RABGAP1L: variants seen among roughly 807,000 people sequenced by gnomAD.
The protein encoded by RABGAP1L is RAB GTPase activating protein 1 like, also known as rab GTPase-activating protein 1-like.
Under a neutral mutation model 137.7 loss-of-function variants are expected in RABGAP1L, and 63 were observed. The ratio of observed to expected loss-of-function variants is 0.46; its 90% confidence interval spans 0.37 to 0.56. RABGAP1L has a LOEUF of 0.56. Among genes scored for constraint, RABGAP1L ranks in the 20% least tolerant of loss-of-function variants. RABGAP1L has a pLI of 0.00. For synonymous variants in RABGAP1L, 431 were observed against 433.7 expected (o/e 0.99, Z 0.08); for missense variants, 1,095 against 1,244.0 (o/e 0.88, Z 1.80).
chr1:174,469,034 A>G (rs1490674943), intron 13 of RABGAP1L, among the ~76,000 whole-genome samples: 2 of 152,196 alleles, frequency 1.3e-5, no homozygotes, highest in Admixed American at 6.5e-5. Flanking sequence ...AATGTTTTAT[A>G]CAAAAGTTAA....
intron 14 of RABGAP1L, among the ~76,000 whole-genome samples, chr1:174,641,445 T>A (rs1441516452): frequency 1.3e-5 from 2 of 152,114 alleles, no homozygotes; most frequent in Admixed American, 6.6e-5. Context: ...TTCATAGGTT[T>A]CTGCAGATGA....
At chr1:174,212,730 T>C (rs1322872528) in intron 1 of RABGAP1L, among the ~76,000 whole-genome samples, 1 of 151,806 alleles carries the variant, frequency 6.6e-6, no homozygotes, top group East Asian at 1.9e-4. Context: ...GAAAATAATA[T>C]AATAGATCAA....
At chr1:174,973,471 A>T (rs1172120397) in intron 21 of RABGAP1L, among the ~76,000 whole-genome samples, 1 of 144,348 alleles carries the variant, frequency 6.9e-6, no homozygotes, top group Non-Finnish European at 1.5e-5. Flanking sequence ...TGCAACCTCT[A>T]TCTCCTGGTT....
At chr1:174,162,773 TTC>T (rs1664586171) in intron 1 of RABGAP1L, among the ~76,000 whole-genome samples, 1 of 112,334 alleles carries the variant, frequency 8.9e-6, no homozygotes, top group African/African-American at 4.0e-5. Flanking sequence ...TTTTTTCTCT[TTC>T]TGTTTTTTTT....
chr1:174,581,848 A>G (rs1557868516), intron 13 of RABGAP1L, among the ~76,000 whole-genome samples: 2 of 152,306 alleles, frequency 1.3e-5, no homozygotes, highest in East Asian at 3.9e-4. Context: ...ACAACAGGTA[A>G]AATGTTTTAA....
At chr1:174,500,230 C>T (rs1661135704) in intron 13 of RABGAP1L, among the ~76,000 whole-genome samples, 1 of 152,124 alleles carries the variant, frequency 6.6e-6, no homozygotes, top group Admixed American at 6.5e-5. Flanking sequence ...CAGGCGCACA[C>T]CACTACGCCC....
intron 6 of RABGAP1L, among the ~76,000 whole-genome samples, chr1:174,251,897 ATTTT>A (rs747467937): frequency 1.4e-5 from 2 of 140,128 alleles, no homozygotes; most frequent in Non-Finnish European, 3.1e-5. Flanking sequence ...TCATGTTGTC[ATTTT>A]TTTTTTTTTT....
intron 15 of RABGAP1L, among the ~76,000 whole-genome samples, chr1:174,696,243 G>A (rs1679249139): frequency 6.6e-6 from 1 of 151,980 alleles, no homozygotes. Context: ...ATGTTACTGT[G>A]GCTGAGCCGG....
chr1:174,211,870 T>C (rs73034945), intron 1 of RABGAP1L, among the ~76,000 whole-genome samples: 3,929 of 152,138 alleles, frequency 0.026, 187 homozygotes, highest in African/African-American at 0.091. Context: ...ACAAAAACTA[T>C]TAGAAGAGAC....
chr1:174,465,710 A>G (rs769634963), intron 13 of RABGAP1L, among the ~76,000 whole-genome samples: 1 of 152,236 alleles, frequency 6.6e-6, no homozygotes, highest in Non-Finnish European at 1.5e-5. Flanking sequence ...TGGAGAAGTG[A>G]TAGAGATGGG....
chr1:174,933,090 A>ACATG (rs1188287144), intron 19 of RABGAP1L, among the ~76,000 whole-genome samples: 3 of 151,748 alleles, frequency 2.0e-5, no homozygotes, highest in South Asian at 2.1e-4. Context: ...TTACATACAT[A>ACATG]CATGCATACA....
chr1:174,691,486 A>G (rs1678873919), intron 15 of RABGAP1L, among the ~76,000 whole-genome samples: 1 of 152,110 alleles, frequency 6.6e-6, no homozygotes. Context: ...TGATTACATC[A>G]CTCAATTCTC....
chr1:174,607,837 C>T (rs961421875), intron 13 of RABGAP1L, among the ~76,000 whole-genome samples: 1 of 152,166 alleles, frequency 6.6e-6, no homozygotes, highest in Non-Finnish European at 1.5e-5. Context: ...TTTTAGAAAC[C>T]TGTGTAAAAG....
intron 19 of RABGAP1L, among the ~76,000 whole-genome samples, chr1:174,954,620 G>A (rs979187465): frequency 2.6e-5 from 4 of 152,138 alleles, no homozygotes; most frequent in Non-Finnish European, 1.5e-5. Flanking sequence ...ACTGGTGAGT[G>A]GATCCATTTT....
At chr1:174,181,102 C>T (rs1332052581) in intron 1 of RABGAP1L, among the ~76,000 whole-genome samples, 1 of 152,130 alleles carries the variant, frequency 6.6e-6, no homozygotes, top group Non-Finnish European at 1.5e-5. Flanking sequence ...TTTGCTACAA[C>T]TAACACCAGA....
intron 11 of RABGAP1L, among the ~76,000 whole-genome samples, chr1:174,316,693 A>G (rs1361396452): frequency 6.6e-6 from 1 of 152,174 alleles, no homozygotes; most frequent in African/African-American, 2.4e-5. Flanking sequence ...GAGCTGTACC[A>G]TCAGCAGGTG....
At chr1:174,531,419 A>G (rs1664392815) in intron 13 of RABGAP1L, among the ~76,000 whole-genome samples, 2 of 152,216 alleles carry the variant, frequency 1.3e-5, no homozygotes, top group African/African-American at 4.8e-5. Context: ...CTTCAGCAAT[A>G]AGAATTTCAG....
chr1:174,260,958 A>G (rs559586625), intron 7 of RABGAP1L, among the ~76,000 whole-genome samples: 151 of 152,158 alleles, frequency 9.9e-4, no homozygotes, highest in African/African-American at 3.4e-3. Context: ...TTCAAGACAA[A>G]TAATACCATA....
chr1:174,495,332 C>T (rs920372181), intron 13 of RABGAP1L, among the ~76,000 whole-genome samples: 7 of 151,738 alleles, frequency 4.6e-5, no homozygotes, highest in Non-Finnish European at 4.4e-5. Context: ...TACTTTTTTT[C>T]CCCCCAAGTT....
Sources: gnomAD v4.1 joint callset for allele counts (sites outside exome capture counted in the v4.1 genomes callset) on GRCh38, gnomAD v4.1.1 for gene constraint, MANE v1.5 for transcripts, NCBI Gene and HGNC (gene_info 2026-07-23, HGNC 2026-07-21) for gene names.